The following PRDM2 variants were observed in gnomAD, a reference collection of about 807,000 sequenced individuals.
PRDM2 encodes PR domain zinc finger protein 2.
In PRDM2, 30 loss-of-function variants were observed where a neutral mutation model predicts 130.0. That is an observed-to-expected ratio of 0.23 (90% CI 0.17 to 0.31). PRDM2 has a LOEUF of 0.31. Ranked by LOEUF, PRDM2 falls within the 10% of genes least tolerant of loss-of-function variation. The pLI is 1.00. For synonymous variants in PRDM2, 871 were observed against 782.4 expected, an observed-to-expected ratio of 1.11 and a Z score of -1.89; for missense variants, 2,011 against 2,108.4, an observed-to-expected ratio of 0.95 and a Z score of 0.90.
chr1:13,720,202 T>C (rs1203102890), intron 2 of PRDM2, among the ~76,000 whole-genome samples: 2 of 152,244 alleles, frequency 1.3e-5, no homozygotes, highest in Non-Finnish European at 2.9e-5. Context: ...CTTATTCTTA[T>C]ATACTTTTAA....
At position 13,790,401 on chromosome 1, in the gene PRDM2, C is replaced by A. The variant is rs76221448; in HGVS notation, c.5036+7570C>A. ...GCATCAGGGTTATTCTGAAGCCAAT[C>A]CTGAGCCGTGTCCACTTGGTGGAAA... On this transcript the variant is annotated intron_variant, in intron 8 of 9. Transcript: ENST00000311066. Among the ~76,000 whole-genome samples, 9 of 152,210 alleles carry A rather than the reference C, an allele frequency of 5.9e-5. No individual in the cohort carries two copies. In the East Asian group the frequency reaches 1.7e-3, roughly 29 times the overall value.
At chr1:13,774,184 C>CA (rs1644420497) in intron 7 of PRDM2, among the ~76,000 whole-genome samples, 1 of 152,172 alleles carries the variant, frequency 6.6e-6, no homozygotes, top group Admixed American at 6.5e-5. Flanking sequence ...ATCAGAAAGA[C>CA]AGCTTGCCCT....
intron 4 of PRDM2, chr1:13,738,934 C>T (rs1173359246): frequency 1.3e-5 from 2 of 150,288 alleles, no homozygotes; most frequent in African/African-American, 2.5e-5. Context: ...TTGAACATAC[C>T]AAGAAGGTAT....
intron 8 of PRDM2, among the ~76,000 whole-genome samples, chr1:13,784,485 C>A (rs1644693613): frequency 6.6e-6 from 1 of 152,160 alleles, no homozygotes; most frequent in South Asian, 2.1e-4. Context: ...TTGTACTTGG[C>A]CCTACTTACA....
At chr1:13,817,070 A>G (rs1177149602) in intron 9 of PRDM2, among the ~76,000 whole-genome samples, 1 of 152,240 alleles carries the variant, frequency 6.6e-6, no homozygotes, top group African/African-American at 2.4e-5. Context: ...AAGTCAAAAT[A>G]ATACAGGTGG....
At chr1:13,822,934 G>T (rs533801824) in intron 9 of PRDM2, among the ~76,000 whole-genome samples, 20 of 152,280 alleles carry the variant, frequency 1.3e-4, no homozygotes, top group African/African-American at 4.6e-4. Flanking sequence ...GGGGTCACGG[G>T]TCAGGGGCTG....
At chr1:13,765,893 T>C (rs1277196195) in intron 6 of PRDM2, among the ~76,000 whole-genome samples, 4 of 152,208 alleles carry the variant, frequency 2.6e-5, no homozygotes, top group Non-Finnish European at 4.4e-5. Flanking sequence ...TACTTTATAC[T>C]TTTCTCCTCC....
intron 4 of PRDM2, 74 bp from the exon 5 acceptor site, chr1:13,741,931 A>G: frequency 1.6e-6 from 2 of 1,242,790 alleles, no homozygotes; most frequent in African/African-American, 3.1e-5. Flanking sequence ...AATTATCCTT[A>G]AAAGTTAAAA....
rs1375707787 is a variant in PRDM2 at position 13,807,931 on chromosome 1, C to T, written c.5037-8496C>T. ...TTTGAGGTCTGCCCTCTGCCCAATC[C>T]TTCCCCGTCCATACAGATTGGATGG... On this transcript the variant is annotated intron_variant, in intron 8 of 9. Coordinates refer to ENST00000311066, the MANE Select transcript of PRDM2 (RefSeq NM_001393986.1). Among the ~76,000 whole-genome samples the T allele has an allele frequency of 2.0e-5, 3 of 152,162 alleles. No homozygotes were observed. The East Asian group carries it at 5.8e-4, about 29-fold the overall frequency.
At chr1:13,700,544 G>A (rs1323326472) in intron 1 of PRDM2, among the ~76,000 whole-genome samples, 1 of 151,268 alleles carries the variant, frequency 6.6e-6, no homozygotes, top group Non-Finnish European at 1.5e-5. Flanking sequence ...CTTGTCGGCC[G>A]TGGGGTCCCT....
chr1:13,808,001 C>G (rs1437697897), intron 8 of PRDM2, among the ~76,000 whole-genome samples: 1 of 152,102 alleles, frequency 6.6e-6, no homozygotes, highest in Non-Finnish European at 1.5e-5. Context: ...AGTTTTTGTT[C>G]TAAGTAAAAT....
At chr1:13,726,461 T>G (rs377391386) in intron 2 of PRDM2, among the ~76,000 whole-genome samples, 77 of 152,196 alleles carry the variant, frequency 5.1e-4, no homozygotes, top group African/African-American at 1.7e-3. Flanking sequence ...CCAGTGGGCT[T>G]CATGAGGAGG....
At chr1:13,745,020 G>C (rs550794952) in intron 5 of PRDM2, among the ~76,000 whole-genome samples, 222 of 152,246 alleles carry the variant, frequency 1.5e-3, no homozygotes, top group African/African-American at 5.0e-3. Flanking sequence ...CTGAAAGTTA[G>C]CTGTTAAATC....
chr1:13,755,503 G>A (rs934527294), intron 6 of PRDM2, among the ~76,000 whole-genome samples: 1 of 152,034 alleles, frequency 6.6e-6, no homozygotes, highest in Non-Finnish European at 1.5e-5. Flanking sequence ...ATATAAAAGA[G>A]GTAACAAGAT....
intron 9 of PRDM2, among the ~76,000 whole-genome samples, chr1:13,819,346 A>G (rs1387849920): frequency 6.6e-6 from 1 of 152,180 alleles, no homozygotes; most frequent in Non-Finnish European, 1.5e-5. Flanking sequence ...TTCCTTCTTT[A>G]AAAACATACA....
intron 6 of PRDM2, among the ~76,000 whole-genome samples, chr1:13,763,787 CAG>C (rs541514942): frequency 1.2e-3 from 180 of 152,196 alleles, no homozygotes; most frequent in African/African-American, 4.3e-3. Context: ...AAAATACAAT[CAG>C]ATAGAAATAT....
intron 5 of PRDM2, among the ~76,000 whole-genome samples, chr1:13,748,633 T>C (rs923814746): frequency 2.0e-5 from 3 of 152,230 alleles, no homozygotes; most frequent in African/African-American, 2.4e-5. Flanking sequence ...TTCGGGATCT[T>C]GTTCTGGGTG....
chr1:13,818,819 T>C (rs1487172686), intron 9 of PRDM2, among the ~76,000 whole-genome samples: 1 of 152,116 alleles, frequency 6.6e-6, no homozygotes, highest in East Asian at 1.9e-4. Context: ...TGAACCTGTC[T>C]CTCTGGGGCC....
At position 13,823,899 on chromosome 1, in the gene PRDM2, GTGTATGGAGGGGAGGGATCTCC is replaced by G. The variant is rs1273654819; in HGVS notation, c.*767_*788del. The G allele has an allele frequency of 1.3e-5, 2 of 152,316 alleles. No individual in the cohort carries two copies. Among genetic ancestry groups the G allele is most frequent in the African/African-American group, 4.8e-5 (2 of 41,462 alleles). 9.4% of individuals were successfully genotyped at this position (152,316 alleles called of 1,614,324 possible). ...TTGGGAAGGGCAGGGAATGGGGACGGTGTATGGAGGGGAGGGATCTCCTGCGCCCTTCATTGCCACACTTGGT... is the reference window on the plus strand; with the variant it reads ...TTGGGAAGGGCAGGGAATGGGGACGGTGCGCCCTTCATTGCCACACTTGGT... On this transcript the variant is annotated 3_prime_UTR_variant, in exon 10 of 10. Coordinates refer to ENST00000311066, the MANE Select transcript of PRDM2 (RefSeq NM_001393986.1).
Sources: gnomAD v4.1 joint callset for allele counts (sites outside exome capture counted in the v4.1 genomes callset) on GRCh38, gnomAD v4.1.1 for gene constraint, MANE v1.5 for transcripts, NCBI Gene and HGNC (gene_info 2026-07-23, HGNC 2026-07-21) for gene names.